Variants in TMEM132D observed in about 807,000 individuals in gnomAD.
The protein encoded by TMEM132D is mature OL transmembrane protein.
TMEM132D carries 21 observed loss-of-function variants against 62.3 expected under a neutral mutation model. The ratio of observed to expected loss-of-function variants is 0.34; its 90% CI spans 0.24 to 0.49. TMEM132D has a LOEUF of 0.49. Among genes scored for constraint, TMEM132D ranks in the 20% least tolerant of loss-of-function variants. TMEM132D has a pLI of 0.99. For synonymous variants in TMEM132D, 621 were observed against 575.6 expected (o/e 1.08, Z -1.13); for missense variants, 1,346 against 1,402.8 (o/e 0.96, Z 0.65).
At chr12:129,662,601 T>C (rs1357619805) in intron 2 of TMEM132D, among the ~76,000 whole-genome samples, 1 of 152,096 alleles carries the variant, frequency 6.6e-6, no homozygotes, top group Non-Finnish European at 1.5e-5. Context: ...AAGACCATCC[T>C]GGCCAACACG....
chr12:129,138,525 C>A (rs1876649796), intron 5 of TMEM132D, among the ~76,000 whole-genome samples: 1 of 152,086 alleles, frequency 6.6e-6, no homozygotes, highest in African/African-American at 2.4e-5. Context: ...TGAGACCAGC[C>A]TGGCCAATAT....
intron 3 of TMEM132D, among the ~76,000 whole-genome samples, chr12:129,359,765 G>C (rs929759610): frequency 2.6e-5 from 4 of 152,082 alleles, no homozygotes; most frequent in Non-Finnish European, 5.9e-5. Context: ...CTCCCACTGA[G>C]AATGAATAAG....
intron 3 of TMEM132D, among the ~76,000 whole-genome samples, chr12:129,440,822 G>A (rs1455913287): frequency 1.3e-5 from 2 of 152,320 alleles, no homozygotes; most frequent in Non-Finnish European, 1.5e-5. Flanking sequence ...GGGGGAGTGC[G>A]TGGAAGAACC....
chr12:129,221,123 T>A (rs2135573468), intron 4 of TMEM132D, among the ~76,000 whole-genome samples: 1 of 152,272 alleles, frequency 6.6e-6, no homozygotes, highest in South Asian at 2.1e-4. Context: ...AATGTACGGG[T>A]CAATGTTGTT....
intron 1 of TMEM132D, among the ~76,000 whole-genome samples, chr12:129,792,754 T>G (rs1339563654): frequency 6.6e-6 from 1 of 152,174 alleles, no homozygotes; most frequent in Non-Finnish European, 1.5e-5. Context: ...AGAAGTAAGT[T>G]TAAGGTGAAG....
At chr12:129,562,224 C>G (rs1309988470) in intron 2 of TMEM132D, among the ~76,000 whole-genome samples, 1 of 152,100 alleles carries the variant, frequency 6.6e-6, no homozygotes, top group African/African-American at 2.4e-5. Flanking sequence ...TTCACCAGAT[C>G]CAGGTCATAT....
chr12:129,107,107 A>T lies in TMEM132D; in HGVS notation c.1444-22405T>A, dbSNP rs202160445. ...GTAGGCACACAAGAAAGAGGTGATGAATGAATGGATAAAAGTGAGAATTCA... is the reference window on the plus strand; with the variant it reads ...GTAGGCACACAAGAAAGAGGTGATGTATGAATGGATAAAAGTGAGAATTCA... On this transcript the variant is annotated intron_variant, in intron 5 of 8. Coordinates refer to ENST00000422113, the MANE Select transcript of TMEM132D (RefSeq NM_133448.3). Among the ~76,000 whole-genome samples, 5 of 152,332 alleles carry T rather than the reference A, an allele frequency of 3.3e-5. No homozygotes were observed. In the East Asian group the frequency reaches 7.7e-4, roughly 24 times the overall value.
intron 3 of TMEM132D, among the ~76,000 whole-genome samples, chr12:129,463,889 C>CTG (rs1325361888): frequency 2.7e-5 from 4 of 150,326 alleles, no homozygotes; most frequent in Admixed American, 1.3e-4. Context: ...GGACATTTGG[C>CTG]TTGGTTCCAA....
chr12:129,661,027 C>A (rs1880224809), intron 2 of TMEM132D, among the ~76,000 whole-genome samples: 1 of 152,182 alleles, frequency 6.6e-6, no homozygotes, highest in Admixed American at 6.5e-5. Flanking sequence ...ACAAATAACA[C>A]TGCTGAAACA....
chr12:129,667,001 C>G (rs911200096), intron 2 of TMEM132D, among the ~76,000 whole-genome samples: 3 of 63,072 alleles, frequency 4.8e-5, no homozygotes, highest in Admixed American at 1.8e-4. Flanking sequence ...AAGGGTTAAT[C>G]TTATAAAAAA....
At chr12:129,139,791 A>T (rs939471719) in intron 5 of TMEM132D, among the ~76,000 whole-genome samples, 1 of 152,090 alleles carries the variant, frequency 6.6e-6, no homozygotes, top group African/African-American at 2.4e-5. Flanking sequence ...TCTTGAGCTC[A>T]ATTAATTCTT....
At chr12:129,417,731 A>C (rs998789432) in intron 3 of TMEM132D, among the ~76,000 whole-genome samples, 23 of 152,352 alleles carry the variant, frequency 1.5e-4, no homozygotes, top group African/African-American at 5.5e-4. Context: ...GAGCTTCTGC[A>C]CAGCAAAAGA....
chr12:129,883,588 A>C (rs1874669056), intron 1 of TMEM132D, among the ~76,000 whole-genome samples: 1 of 152,358 alleles, frequency 6.6e-6, no homozygotes, highest in African/African-American at 2.4e-5. Context: ...TAGAATAGAC[A>C]AAACATTTCT....
intron 1 of TMEM132D, among the ~76,000 whole-genome samples, chr12:129,811,615 A>G (rs1713674338): frequency 6.6e-6 from 1 of 151,780 alleles, no homozygotes; most frequent in African/African-American, 2.4e-5. Context: ...ACCTGGCAAG[A>G]TGGACTTCGC....
chr12:129,097,417 T>C (rs751251113), intron 5 of TMEM132D, among the ~76,000 whole-genome samples: 2 of 152,262 alleles, frequency 1.3e-5, no homozygotes, highest in Non-Finnish European at 2.9e-5. Flanking sequence ...TATGTTTCTT[T>C]TTCTTTCTTA....
At position 129,897,055 on chromosome 12, in the gene TMEM132D, G is replaced by T. The variant is rs138862948; in HGVS notation, c.79+6206C>A. Among the ~76,000 whole-genome samples, 1,511 of 152,282 alleles carry T rather than the reference G, an allele frequency of 9.9e-3. 67 individuals are homozygous for T. The highest frequency in any genetic ancestry group is 0.08 in the Admixed American group (1,228 of 15,288). On this transcript the variant is annotated intron_variant, in intron 1 of 8. Transcript: ENST00000422113. ...GAAACCAATGTTTAAGGACAGAGGT[G>T]ACGGAAGCACCTAGCCTCTGACTGT...
At chr12:129,349,771 A>G (rs1014807509) in intron 3 of TMEM132D, among the ~76,000 whole-genome samples, 2 of 152,204 alleles carry the variant, frequency 1.3e-5, no homozygotes, top group Non-Finnish European at 2.9e-5. Flanking sequence ...GGCTTTTCCT[A>G]TCCGGTCTGA....
chr12:129,900,271 A>G (rs554591255), intron 1 of TMEM132D, among the ~76,000 whole-genome samples: 1 of 152,334 alleles, frequency 6.6e-6, no homozygotes, highest in South Asian at 2.1e-4. Flanking sequence ...AAGTGCCTAA[A>G]CTGTCTGGGG....
At chr12:129,092,236 A>C (rs1247305919) in intron 5 of TMEM132D, among the ~76,000 whole-genome samples, 1 of 150,324 alleles carries the variant, frequency 6.7e-6, no homozygotes, top group Non-Finnish European at 1.5e-5. Flanking sequence ...TGCTGTATGA[A>C]TTTAAATCTT....
Sources: allele counts gnomAD v4.1 joint callset (sites outside exome capture counted in the v4.1 genomes callset), GRCh38; gene constraint gnomAD v4.1.1; transcripts MANE v1.5; gene names NCBI Gene and HGNC (gene_info 2026-07-23, HGNC 2026-07-21).